Variants in CLIC5 observed in about 807,000 individuals in gnomAD.
CLIC5 encodes chloride intracellular channel protein 5.
A neutral mutation model predicts 24.7 loss-of-function variants in CLIC5; 20 were observed. That is an observed-to-expected ratio of 0.81 (90% CI 0.57 to 1.18). CLIC5 has a LOEUF of 1.18. CLIC5 is among the 50% of genes most tolerant of loss of function. The pLI, the probability that CLIC5 is intolerant of heterozygous loss-of-function variation, is 0.00. For synonymous variants in CLIC5, 159 were observed against 135.6 expected, an observed-to-expected ratio of 1.17 and a Z score of -1.20; for missense variants, 341 against 326.1, an observed-to-expected ratio of 1.05 and a Z score of -0.35.
At chr6:46,046,018 T>C (rs1182872474) in intron 1 of CLIC5, among the ~76,000 whole-genome samples, 5 of 152,122 alleles carry the variant, frequency 3.3e-5, no homozygotes, top group Non-Finnish European at 5.9e-5. Context: ...GGGCATGGGA[T>C]TGGGGAGCTG....
intron 1 of CLIC5, among the ~76,000 whole-genome samples, chr6:45,989,215 G>A (rs1765845099): frequency 6.6e-6 from 1 of 152,172 alleles, no homozygotes; most frequent in Non-Finnish European, 1.5e-5. Flanking sequence ...ATGCTTTCCA[G>A]GTGGTGTTTT....
the CLIC5 span, among the ~76,000 whole-genome samples, chr6:46,110,720 C>T: frequency 3.3e-5 from 5 of 152,104 alleles, no homozygotes; most frequent in Admixed American, 1.3e-4. Flanking sequence ...AAAGAATTTA[C>T]CCAATTCATG....
At chr6:46,065,063 T>C (rs1762403575) in intron 1 of CLIC5, among the ~76,000 whole-genome samples, 1 of 152,292 alleles carries the variant, frequency 6.6e-6, no homozygotes, top group Middle Eastern at 3.4e-3. Flanking sequence ...AAAGAGGTTT[T>C]AAAATTTAAT....
intron 1 of CLIC5, among the ~76,000 whole-genome samples, chr6:45,987,322 G>A (rs147817443): frequency 2.9e-3 from 436 of 152,226 alleles, no homozygotes; most frequent in African/African-American, 0.01. Flanking sequence ...CAGTTGGTGT[G>A]CACACCTAAG....
At position 45,984,737 on chromosome 6, in the gene CLIC5, C is replaced by T. The variant is rs150919471; in HGVS notation, c.64-29493G>A. ...TAAAGGAAAAACATAAGCCATTCAG[C>T]GAGCAGCTTTGTTTACAGCCATCCA... On this transcript the variant is annotated intron_variant, in intron 1 of 5. Transcript: ENST00000339561. Among the ~76,000 whole-genome samples, 20 of 152,248 alleles carry T rather than the reference C, an allele frequency of 1.3e-4. 1 individual carries two copies. In the East Asian group the frequency reaches 2.1e-3, roughly 16 times the overall value.
downstream of CLIC5, among the ~76,000 whole-genome samples, chr6:45,896,870 C>T (rs989155839): frequency 1.7e-4 from 26 of 152,230 alleles, no homozygotes; most frequent in Admixed American, 1.4e-3. Context: ...AAGCCTGGGA[C>T]GCCTCCTGGG....
At chr6:45,999,417 C>T (rs531777235) in intron 1 of CLIC5, among the ~76,000 whole-genome samples, 1 of 152,120 alleles carries the variant, frequency 6.6e-6, no homozygotes, top group African/African-American at 2.4e-5. Context: ...CAGTTTTGGA[C>T]CTCAAATCTC....
intron 3 of CLIC5, among the ~76,000 whole-genome samples, chr6:45,943,362 C>A (rs368818129): frequency 6.6e-6 from 1 of 152,192 alleles, no homozygotes. Context: ...TGCTTTGCAC[C>A]GATGCTCCAC....
At chr6:45,929,411 C>T (rs1446916173) in intron 4 of CLIC5, among the ~76,000 whole-genome samples, 1 of 152,132 alleles carries the variant, frequency 6.6e-6, no homozygotes, top group Non-Finnish European at 1.5e-5. Flanking sequence ...ACCAGACCTC[C>T]GAGGTGGGTC....
chr6:46,010,442 G>C (rs977300641), intron 1 of CLIC5, among the ~76,000 whole-genome samples: 1 of 152,136 alleles, frequency 6.6e-6, no homozygotes, highest in Non-Finnish European at 1.5e-5. Flanking sequence ...TGGTGAACCC[G>C]AGCCTGACAC....
At chr6:45,933,575 G>A (rs1170429687) in intron 4 of CLIC5, among the ~76,000 whole-genome samples, 1 of 152,200 alleles carries the variant, frequency 6.6e-6, no homozygotes, top group Non-Finnish European at 1.5e-5. Flanking sequence ...CACCTTATTA[G>A]GACAAGTATT....
intron 5 of CLIC5, chr6:45,912,044 G>A (rs1207134425): frequency 2.0e-6 from 2 of 985,852 alleles, no homozygotes; most frequent in East Asian, 1.1e-4. Flanking sequence ...AAGGGGGTAA[G>A]GATGCACACG....
chr6:46,051,364 T>C (rs1581901043), intron 1 of CLIC5, among the ~76,000 whole-genome samples: 1 of 152,256 alleles, frequency 6.6e-6, no homozygotes, highest in African/African-American at 2.4e-5. Flanking sequence ...CCAGTTTCTA[T>C]GCATCTAAAA....
At chr6:46,031,710 G>A (rs2127455937) in intron 1 of CLIC5, among the ~76,000 whole-genome samples, 1 of 151,430 alleles carries the variant, frequency 6.6e-6, no homozygotes, top group Non-Finnish European at 1.5e-5. Flanking sequence ...GAGATCAATG[G>A]GGTACATTTT....
Position 46,015,470 on chromosome 6 carries a change from C to A in CLIC5, c.63+10G>T. 1 of 1,525,682 alleles carries A rather than the reference C, an allele frequency of 6.6e-7. No individual in the cohort carries two copies. The highest frequency in any genetic ancestry group is 8.8e-7 in the Non-Finnish European group (1 of 1,135,012). The allele number at this position is 1,525,682 out of a possible 1,614,324, so 94.5% of individuals were successfully genotyped here. A position where few individuals can be genotyped will look rare whatever the true frequency, so the allele number is the denominator to read the frequency against. ...CGGCAGGTGCGGCGGGAGACTGGACCCCGACCTACCTTCACAAAGAGCTCG... is the reference window on the plus strand; with the variant it reads ...CGGCAGGTGCGGCGGGAGACTGGACACCGACCTACCTTCACAAAGAGCTCG... On this transcript the variant is annotated intron_variant, in intron 1 of 5. Coordinates refer to ENST00000339561, the MANE Select transcript of CLIC5 (RefSeq NM_016929.5).
intron 1 of CLIC5, among the ~76,000 whole-genome samples, chr6:46,050,490 G>C (rs1024494710): frequency 6.6e-6 from 1 of 152,218 alleles, no homozygotes; most frequent in Non-Finnish European, 1.5e-5. Flanking sequence ...GGGAGACAGT[G>C]CTTGCTAGTT....
At chr6:45,895,871 A>AT (rs1475630571), downstream of CLIC5, among the ~76,000 whole-genome samples, 1 of 152,196 alleles carries the variant, frequency 6.6e-6, no homozygotes, top group Non-Finnish European at 1.5e-5. Flanking sequence ...TGGCATTTGT[A>AT]TTATGCATCT....
At chr6:45,928,336 C>T (rs996120076) in intron 4 of CLIC5, among the ~76,000 whole-genome samples, 1 of 152,326 alleles carries the variant, frequency 6.6e-6, no homozygotes, top group East Asian at 1.9e-4. Context: ...CTGGATTTCA[C>T]ATCTTGTCAT....
At chr6:45,926,433 T>A (rs1276960533) in intron 4 of CLIC5, among the ~76,000 whole-genome samples, 1 of 150,786 alleles carries the variant, frequency 6.6e-6, no homozygotes, top group East Asian at 1.9e-4. Context: ...TTTTTTTGTA[T>A]TTTTAGTAGA....
Sources: gnomAD v4.1 joint callset for allele counts (sites outside exome capture counted in the v4.1 genomes callset) on GRCh38, gnomAD v4.1.1 for gene constraint, MANE v1.5 for transcripts, NCBI Gene and HGNC (gene_info 2026-07-23, HGNC 2026-07-21) for gene names.